KIAA1217: variants seen among roughly 807,000 people sequenced by gnomAD.
KIAA1217 encodes the protein KIAA1217, also known as sickle tail protein homolog.
KIAA1217 carries 88 observed loss-of-function variants against 163.9 expected under a neutral mutation model. The ratio of observed to expected loss-of-function variants is 0.54; its 90% CI spans 0.45 to 0.64. KIAA1217 has a LOEUF of 0.64. Among genes scored for constraint, KIAA1217 ranks in the 30% least tolerant of loss-of-function variants. The pLI, the probability that KIAA1217 is intolerant of heterozygous loss-of-function variation, is 0.00. For synonymous variants in KIAA1217, 903 were observed against 923.1 expected (o/e 0.98, Z 0.39); for missense variants, 2,372 against 2,475.0 (o/e 0.96, Z 0.88).
At chr10:24,209,741 G>A (rs2067830410) in intron 1 of KIAA1217, among the ~76,000 whole-genome samples, 1 of 152,178 alleles carries the variant, frequency 6.6e-6, no homozygotes, top group Non-Finnish European at 1.5e-5. Flanking sequence ...AACCAGGCAT[G>A]TTTTATTTTA....
At chr10:24,139,113 A>G (rs1389739770) in intron 2 of KIAA1217, among the ~76,000 whole-genome samples, 5 of 152,056 alleles carry the variant, frequency 3.3e-5, no homozygotes, top group African/African-American at 9.7e-5. Flanking sequence ...TTTCTGTATA[A>G]TTATTTGTAT....
chr10:24,276,930 AAT>A lies in KIAA1217; in HGVS notation c.354+57023_354+57024del, dbSNP rs1491047312. On this transcript the variant is annotated intron_variant, in intron 2 of 20. Coordinates refer to ENST00000376454, the MANE Select transcript of KIAA1217 (RefSeq NM_019590.5). ...GCCAAGTCCAGCTAATTAAAAAAAA[AAT>A]AAAAATCGTAGAGATGGGGTCTCCC... is the stretch of plus-strand genomic sequence containing the variant. Among the ~76,000 whole-genome samples, 208 of 148,254 alleles carry A rather than the reference AAT, an allele frequency of 1.4e-3. 2 individuals are homozygous for A. Among genetic ancestry groups the A allele is most frequent in the Middle Eastern group, 6.8e-3 (2 of 292 alleles).
chr10:24,307,612 C>CA lies in KIAA1217; in HGVS notation c.355-73240dup, dbSNP rs138090288. ...ACCACATAATGAGACCCCATCTCTC[C>CA]AAAAAAAAAAAAAAAAATATTAGCC... On this transcript the variant is annotated intron_variant, in intron 2 of 20. Transcript: ENST00000376454. 4.6e-3 allele frequency among the ~76,000 whole-genome samples: 545 copies of CA among 117,744 alleles called. 2 individuals are homozygous for CA. The highest frequency in any genetic ancestry group is 6.9e-3 in the African/African-American group (241 of 35,144). 77.2% of individuals were successfully genotyped at this position (117,744 alleles called of 152,430 possible).
chr10:24,343,364 T>C (rs2047339606), intron 2 of KIAA1217, among the ~76,000 whole-genome samples: 1 of 150,526 alleles, frequency 6.6e-6, no homozygotes, highest in Non-Finnish European at 1.5e-5. Flanking sequence ...ATTTTTATAA[T>C]CATTGACGTT....
chr10:24,510,154 T>A (rs1177390718), intron 9 of KIAA1217, among the ~76,000 whole-genome samples: 1 of 152,096 alleles, frequency 6.6e-6, no homozygotes, highest in Non-Finnish European at 1.5e-5. Flanking sequence ...GGTGGGGAAA[T>A]TGATGAGTTG....
rs192334777 is a variant in KIAA1217, at chr10:24,129,080, T to A, written c.-170-90546T>A. 2.0e-3 allele frequency among the ~76,000 whole-genome samples: 303 copies of A among 152,318 alleles called. 1 individual carries two copies. Among genetic ancestry groups the A allele is most frequent in the African/African-American group, 7.1e-3 (295 of 41,582 alleles). On this transcript the variant is annotated intron_variant, in intron 2 of 18. Transcript: ENST00000376462. ...AAGTCATATGGGATGAAGTAAATGC[T>A]GGAAGTGGGCCATATTGAGCTAGGC...
At chr10:23,828,130 G>T (rs1364197156) in intron 1 of KIAA1217, among the ~76,000 whole-genome samples, 1 of 152,154 alleles carries the variant, frequency 6.6e-6, no homozygotes, top group Admixed American at 6.5e-5. Flanking sequence ...CAAGGAACAG[G>T]GTGTTCCTGG....
At chr10:24,515,674 A>T (rs747640010) in intron 10 of KIAA1217, among the ~76,000 whole-genome samples, 9 of 152,234 alleles carry the variant, frequency 5.9e-5, no homozygotes, top group Non-Finnish European at 1.0e-4. Flanking sequence ...GTACCCACAC[A>T]AAAGAGAGAC....
At chr10:24,407,915 C>T (rs941407173) in intron 3 of KIAA1217, among the ~76,000 whole-genome samples, 1 of 152,052 alleles carries the variant, frequency 6.6e-6, no homozygotes, top group Non-Finnish European at 1.5e-5. Flanking sequence ...TGGTTTAAGA[C>T]CCTAAGTTTT....
chr10:24,117,256 C>T (rs555934936), intron 2 of KIAA1217, among the ~76,000 whole-genome samples: 1 of 152,224 alleles, frequency 6.6e-6, no homozygotes, highest in African/African-American at 2.4e-5. Context: ...AGGCTGGTCT[C>T]GATCTCCTGA....
At chr10:23,767,387 A>G (rs1238288133) in intron 1 of KIAA1217, among the ~76,000 whole-genome samples, 3 of 152,198 alleles carry the variant, frequency 2.0e-5, no homozygotes, top group African/African-American at 7.2e-5. Flanking sequence ...TCTTGGTTGC[A>G]ATATTCCAGA....
chr10:24,083,156 A>T (rs2061590863), intron 2 of KIAA1217, among the ~76,000 whole-genome samples: 1 of 152,198 alleles, frequency 6.6e-6, no homozygotes, highest in South Asian at 2.1e-4. Flanking sequence ...ATTGAGGCAC[A>T]TGTGAGATAC....
At chr10:23,867,503 C>A (rs191321869) in intron 1 of KIAA1217, among the ~76,000 whole-genome samples, 1 of 152,306 alleles carries the variant, frequency 6.6e-6, no homozygotes, top group Admixed American at 6.5e-5. Context: ...GACATCCTCT[C>A]CAGCACCTGT....
chr10:24,524,705 A>G lies in KIAA1217; in HGVS notation c.2839A>G (p.Ser947Gly), dbSNP rs1383806460. ...ACCCATGAATGGGTCTGCCATGCAG[A>G]GCTTGTTCATTGAAGAAATCCACAG... is the stretch of plus-strand genomic sequence containing the variant. ...QIPMNGSAMQ[S>G]LFIEEIHSVS... Residue 947 changes from serine to glycine, a missense_variant, in exon 13 of 21, where the codon AGC (serine) becomes GGC (glycine). By Grantham distance (56) the Ser-to-Gly change is moderately conservative. Around this residue, in one of 3 missense-constraint regions of KIAA1217, gnomAD observed 1,431 missense variants for 1,470.3 expected, o/e 0.97. Transcript: ENST00000376454. The G allele has an allele frequency of 6.2e-7, 1 of 1,611,848 alleles. No individual in the cohort carries two copies. The highest frequency in any genetic ancestry group is 1.7e-5 in the Admixed American group (1 of 59,946).
At chr10:24,113,591 T>C (rs2062938778) in intron 2 of KIAA1217, among the ~76,000 whole-genome samples, 1 of 152,196 alleles carries the variant, frequency 6.6e-6, no homozygotes, top group South Asian at 2.1e-4. Context: ...GATCAGGATC[T>C]AGGCTGGGAT....
In KIAA1217 at chr10:24,513,428, A is replaced by T. The variant is rs775212850; in HGVS notation, c.2171A>T (p.Lys724Met). ...YLHEEEKIVK[K>M]LCELEDFVED... ...CATGAGGAAGAGAAGATCGTCAAGAAGTTGTGGTGAGTGCCAGTCACTTGC... is the reference window on the plus strand; with the variant it reads ...CATGAGGAAGAGAAGATCGTCAAGATGTTGTGGTGAGTGCCAGTCACTTGC... The change falls in exon 10 of 21, where the codon AAG (lysine) becomes ATG (methionine). Residue 724 changes from lysine (K) to methionine (M), a missense_variant. Physicochemically the swap from Lys to Met is moderately conservative, Grantham distance 95. This residue lies in a region of KIAA1217 where 1,431 missense variants were observed against 1,470.3 expected (regional missense o/e 0.97). Coordinates refer to ENST00000376454, the MANE Select transcript of KIAA1217 (RefSeq NM_019590.5). The T allele has an allele frequency of 6.2e-7, 1 of 1,613,902 alleles. No homozygotes were observed. Among genetic ancestry groups the T allele is most frequent in the African/African-American group, 1.3e-5 (1 of 74,926 alleles).
intron 1 of KIAA1217, among the ~76,000 whole-genome samples, chr10:23,765,257 C>T (rs1834454012): frequency 1.5e-5 from 2 of 131,774 alleles, no homozygotes; most frequent in Admixed American, 8.9e-5. Context: ...TGCAGTGGCG[C>T]GATCTCCGCT....
intron 2 of KIAA1217, among the ~76,000 whole-genome samples, chr10:24,192,988 C>T (rs1238119845): frequency 3.3e-5 from 5 of 151,998 alleles, no homozygotes; most frequent in Non-Finnish European, 7.4e-5. Context: ...TGCTATGTTG[C>T]ACAGGCTGGT....
chr10:24,302,587 G>A (rs2041497692), intron 2 of KIAA1217, among the ~76,000 whole-genome samples: 1 of 151,582 alleles, frequency 6.6e-6, no homozygotes, highest in Non-Finnish European at 1.5e-5. Flanking sequence ...GGAAAAACAG[G>A]GAACACACAA....
Sources: allele counts gnomAD v4.1 joint callset (sites outside exome capture counted in the v4.1 genomes callset), GRCh38; gene constraint gnomAD v4.1.1; regional missense constraint gnomAD v4.1.1; transcripts MANE v1.5; gene names NCBI Gene and HGNC (gene_info 2026-07-23, HGNC 2026-07-21).